TCF7L2: variants seen among roughly 807,000 people sequenced by gnomAD.
The protein encoded by TCF7L2 is transcription factor 7-like 2.
In TCF7L2, 23 loss-of-function variants were observed where a neutral mutation model predicts 77.9. The ratio of observed to expected loss-of-function variants is 0.30; its 90% CI spans 0.21 to 0.42. TCF7L2 has a LOEUF of 0.42. Among genes scored for constraint, TCF7L2 ranks in the 10% least tolerant of loss-of-function variants. The pLI, the probability that TCF7L2 is intolerant of heterozygous loss-of-function variation, is 1.00. For missense variants in TCF7L2, 654 were observed against 793.1 expected (o/e 0.82, Z 2.11); for synonymous variants, 413 against 340.2 (o/e 1.21, Z -2.36).
At position 113,165,639 on chromosome 10, in the gene TCF7L2, G is replaced by A. The variant is rs760999129; in HGVS notation, c.1476G>A (p.Ser492=). 7.4e-6 allele frequency: 12 copies of A among 1,612,636 alleles called. No individual in the cohort carries two copies. The highest frequency in any genetic ancestry group is 1.7e-5 in the Admixed American group (1 of 59,836). Reference sequence around the variant, plus strand: ...CTTCAGATGGAAGCTTACTAGATTCGCCTCCCCCCTCCCCGAACCTGCTAG... The same window carrying A: ...CTTCAGATGGAAGCTTACTAGATTCACCTCCCCCCTCCCCGAACCTGCTAG... The change falls in exon 14 of 14, where the codon TCG becomes TCA. Residue 492 remains serine, a synonymous_variant. Coordinates refer to ENST00000627217, the MANE Select transcript of TCF7L2 (RefSeq NM_001146274.2).
rs1294447061 is a variant in TCF7L2 at position 113,141,240 on chromosome 10, T to C, written c.609T>C (p.Leu203=). 6.2e-7 allele frequency: 1 copy of C among 1,614,052 alleles called. No homozygotes were observed. Among genetic ancestry groups the C allele is most frequent in the Non-Finnish European group, 8.5e-7 (1 of 1,180,046 alleles). The stretch of plus-strand genomic sequence containing the variant: ...ACCATGTCCACCCCCTCACGCCTCT[T>C]ATCACGTACAGCAATGAACACTTCA... The change falls in exon 6 of 14, where the codon CTT becomes CTC. Residue 203 remains leucine (L), a synonymous_variant. Transcript: ENST00000627217.
At chr10:113,056,681 G>C (rs1396179896) in intron 5 of TCF7L2, among the ~76,000 whole-genome samples, 1 of 152,184 alleles carries the variant, frequency 6.6e-6, no homozygotes, top group East Asian at 1.9e-4. Flanking sequence ...CGAGTACACT[G>C]AGATTTCTAC....
intron 12 of TCF7L2, among the ~76,000 whole-genome samples, chr10:113,159,704 C>CT (rs2072721153): frequency 6.6e-6 from 1 of 150,944 alleles, no homozygotes; most frequent in Admixed American, 6.6e-5. Context: ...AAGAATGTGA[C>CT]TTTTACTTTT....
At chr10:113,078,820 A>G (rs2059006247) in intron 5 of TCF7L2, among the ~76,000 whole-genome samples, 1 of 150,738 alleles carries the variant, frequency 6.6e-6, no homozygotes, top group Admixed American at 6.6e-5. Flanking sequence ...AGATGGCAAC[A>G]GCAGATTCTT....
intron 4 of TCF7L2, among the ~76,000 whole-genome samples, chr10:112,991,971 G>A (rs2042636042): frequency 1.3e-5 from 2 of 152,244 alleles, no homozygotes; most frequent in Admixed American, 1.3e-4. Context: ...AAGCCAGGCT[G>A]CATATAGACC....
At chr10:113,152,518 T>C in intron 11 of TCF7L2, 78 bp downstream of exon 11, 1 of 1,263,180 alleles carries the variant, frequency 7.9e-7, no homozygotes, top group Admixed American at 2.0e-5. Context: ...GAACAGGACC[T>C]GCCACTTGAC....
chr10:113,131,299 G>T (rs2066561540), intron 5 of TCF7L2, among the ~76,000 whole-genome samples: 1 of 152,176 alleles, frequency 6.6e-6, no homozygotes, highest in Non-Finnish European at 1.5e-5. Context: ...TAAAACACAA[G>T]ATCATAGATA....
chr10:113,075,626 C>T (rs771429871), intron 5 of TCF7L2, among the ~76,000 whole-genome samples: 1 of 152,044 alleles, frequency 6.6e-6, no homozygotes, highest in Non-Finnish European at 1.5e-5. Context: ...GCTGCACAGA[C>T]ATGATGATGT....
intron 5 of TCF7L2, chr10:113,129,698 C>CT (rs920148535): frequency 1.1e-5 from 13 of 1,197,864 alleles, no homozygotes; most frequent in South Asian, 3.1e-5. Flanking sequence ...TTTTTAGATG[C>CT]TTTTTTTCAG....
At chr10:112,974,448 T>G (rs2038962884) in intron 4 of TCF7L2, among the ~76,000 whole-genome samples, 1 of 152,142 alleles carries the variant, frequency 6.6e-6, no homozygotes, top group Non-Finnish European at 1.5e-5. Context: ...TTTCTTTTTT[T>G]TTGTTTTTGT....
At chr10:113,073,030 C>T (rs1048066444) in intron 5 of TCF7L2, among the ~76,000 whole-genome samples, 9 of 151,328 alleles carry the variant, frequency 5.9e-5, no homozygotes, top group African/African-American at 2.2e-4. Context: ...TGTTCATGTC[C>T]CCAGGAATGG....
chr10:113,041,776 C>A (rs2052495991), intron 5 of TCF7L2, among the ~76,000 whole-genome samples: 1 of 152,056 alleles, frequency 6.6e-6, no homozygotes, highest in African/African-American at 2.4e-5. Context: ...GTGAAGAAGC[C>A]TGTTTTCAGG....
At chr10:113,089,775 T>A (rs1426440337) in intron 5 of TCF7L2, among the ~76,000 whole-genome samples, 2 of 152,228 alleles carry the variant, frequency 1.3e-5, no homozygotes, top group African/African-American at 4.8e-5. Context: ...CTCGCATGAC[T>A]CCAGGATGCC....
At chr10:113,135,668 G>A (rs2067289513) in intron 5 of TCF7L2, among the ~76,000 whole-genome samples, 1 of 152,186 alleles carries the variant, frequency 6.6e-6, no homozygotes, top group Admixed American at 6.5e-5. Context: ...CTGCATGTTT[G>A]TATTTGAGAA....
In TCF7L2 at chr10:112,983,145, T is replaced by TG. The variant is rs199906729; in HGVS notation, c.450+18522dup. Among the ~76,000 whole-genome samples the TG allele has an allele frequency of 4.4e-3, 666 of 151,908 alleles. 8 individuals are homozygous for TG. The highest frequency in any genetic ancestry group is 0.027 in the South Asian group (128 of 4,816). On this transcript the variant is annotated intron_variant, in intron 4 of 13. Coordinates refer to ENST00000627217, the MANE Select transcript of TCF7L2 (RefSeq NM_001146274.2). ...GTTTTTTGTTTTTTTGTTTTTTTTT[T>TG]GTCAGATTTCTGTTGCTTAATACTT...
chr10:113,062,704 C>T (rs7085785), intron 5 of TCF7L2, among the ~76,000 whole-genome samples: 2,778 of 152,212 alleles, frequency 0.018, 84 homozygotes, highest in African/African-American at 0.063. Context: ...TCCAATTAAG[C>T]GTCCATTAAG....
intron 3 of TCF7L2, among the ~76,000 whole-genome samples, chr10:112,954,221 T>G (rs1444612125): frequency 2.0e-5 from 3 of 152,224 alleles, no homozygotes; most frequent in Non-Finnish European, 2.9e-5. Flanking sequence ...AAGACAAATT[T>G]CGCTGTATGC....
At position 113,146,078 on chromosome 10, in the gene TCF7L2, G is replaced by A. The variant is rs1290267513; in HGVS notation, c.856G>A (p.Val286Ile). The change falls in exon 8 of 14, where the codon GTC becomes ATC. Residue 286 changes from valine to isoleucine, a missense_variant. Coordinates refer to ENST00000627217, the MANE Select transcript of TCF7L2 (RefSeq NM_001146274.2). Reference sequence around the variant, plus strand: ...ACACCCCTACCCCACAGCTCTGACCGTCAATGCTTCCATGTCCAGGTGAGT... The same window carrying A: ...ACACCCCTACCCCACAGCTCTGACCATCAATGCTTCCATGTCCAGGTGAGT... The A allele has an allele frequency of 4.4e-6, 7 of 1,594,708 alleles. No individual in the cohort carries two copies. The highest frequency in any genetic ancestry group is 1.1e-5 in the South Asian group (1 of 90,650).
chr10:113,063,652 C>T (rs552492155), intron 5 of TCF7L2, among the ~76,000 whole-genome samples: 1 of 152,258 alleles, frequency 6.6e-6, no homozygotes, highest in African/African-American at 2.4e-5. Flanking sequence ...CACCAGTCCT[C>T]CCTGTCCTCC....
Sources: allele counts gnomAD v4.1 joint callset (sites outside exome capture counted in the v4.1 genomes callset), GRCh38; gene constraint gnomAD v4.1.1; transcripts MANE v1.5; gene names NCBI Gene and HGNC (gene_info 2026-07-23, HGNC 2026-07-21).